TNRC18: variants seen among roughly 807,000 people sequenced by gnomAD.
TNRC18 encodes the protein trinucleotide repeat-containing gene 18 protein.
Under a neutral mutation model 226.7 loss-of-function variants are expected in TNRC18, and 69 were observed. The observed-to-expected ratio is 0.30, with a 90% CI of 0.25 to 0.37. The LOEUF (loss-of-function observed/expected upper bound fraction) is 0.37, where lower values mean the gene tolerates loss of function less well. Among genes scored for constraint, TNRC18 ranks in the 10% least tolerant of loss-of-function variants. The pLI is 1.00. For synonymous variants in TNRC18, 2,449 were observed against 1,927.6 expected (o/e 1.27, Z -7.09); for missense variants, 4,754 against 4,256.6 (o/e 1.12, Z -3.25).
chr7:5,371,073 G>C lies in TNRC18; in HGVS notation c.3521C>G (p.Pro1174Arg). 6.2e-7 allele frequency: 1 copy of C among 1,611,598 alleles called. No individual in the cohort carries two copies. Among genetic ancestry groups the C allele is most frequent in the Non-Finnish European group, 8.5e-7 (1 of 1,179,662 alleles). Residue 1174 changes from proline to arginine, a missense_variant, in exon 11 of 30, where the codon CCT (proline) becomes CGT (arginine). Coordinates refer to ENST00000430969, the MANE Select transcript of TNRC18 (RefSeq NM_001080495.3). ...DMDEGPTELP[P>R]LESPLPLPAA... ...GGGCAGTGGCAGCGGCGACTCCAGAGGCGGCAGCTCTGTGGGGCCCTCGTC... is the reference window on the plus strand; with the variant it reads ...GGGCAGTGGCAGCGGCGACTCCAGACGCGGCAGCTCTGTGGGGCCCTCGTC...
chr7:5,372,412 G>A lies in TNRC18; in HGVS notation c.3230-1048C>T, dbSNP rs978203523. On this transcript the variant is annotated intron_variant, in intron 10 of 29. Transcript: ENST00000430969. The stretch of plus-strand genomic sequence containing the variant: ...AATTTTTTATATTTTTAGTAGAGAC[G>A]GGGATTCACCATGTTGGTCAGGCCA... Among the ~76,000 whole-genome samples the A allele has an allele frequency of 4.7e-5, 7 of 150,148 alleles. No homozygotes were observed. The South Asian group carries it at 6.3e-4, about 14-fold the overall frequency.
chr7:5,345,399 G>A (rs556720818), intron 18 of TNRC18, among the ~76,000 whole-genome samples, 163 bp downstream of exon 18: 25 of 152,288 alleles, frequency 1.6e-4, no homozygotes, highest in Admixed American at 4.6e-4. Flanking sequence ...CCCCTGTCGC[G>A]AGCATCCCTG....
chr7:5,308,058 G>T lies in TNRC18; in HGVS notation c.*48C>A. ...CGCGCCATGGCAGTGATGGAGATGG[G>T]TCCCTGGCCGCCCTCGGGGCACAGG... On this transcript the variant is annotated 3_prime_UTR_variant, in exon 30 of 30. Coordinates refer to ENST00000430969, the MANE Select transcript of TNRC18 (RefSeq NM_001080495.3). 6.6e-7 allele frequency: 1 copy of T among 1,512,356 alleles called. No individual in the cohort carries two copies. Among genetic ancestry groups the T allele is most frequent in the Non-Finnish European group, 8.9e-7 (1 of 1,118,260 alleles). The allele number at this position is 1,512,356 out of a possible 1,614,324, so 93.7% of individuals were successfully genotyped here. A position where few individuals can be genotyped will look rare whatever the true frequency, so the allele number is the denominator to read the frequency against.
rs374504346 is a variant in TNRC18, at chr7:5,353,076, G to A, written c.5195-982C>T. On this transcript the variant is annotated intron_variant, in intron 16 of 29. Transcript: ENST00000430969. ...CAAGACCCCAACCTCAGGATGGTCCGGCAACTCTTGGGTGGGACAAGGGTC... is the reference window on the plus strand; with the variant it reads ...CAAGACCCCAACCTCAGGATGGTCCAGCAACTCTTGGGTGGGACAAGGGTC... Among the ~76,000 whole-genome samples the A allele has an allele frequency of 5.9e-5, 9 of 152,198 alleles. No individual in the cohort carries two copies. In the South Asian group the frequency reaches 6.2e-4, roughly 11 times the overall value.
Position 5,390,466 on chromosome 7 carries a change from C to A in TNRC18, c.487+19G>T, listed in dbSNP as rs1236833811. 6.2e-7 allele frequency: 1 copy of A among 1,613,264 alleles called. No homozygotes were observed. Among genetic ancestry groups the A allele is most frequent in the Non-Finnish European group, 8.5e-7 (1 of 1,179,770 alleles). The stretch of plus-strand genomic sequence containing the variant: ...CAGAAGGCCCCTGTGCCACCCCCAA[C>A]CCCGGACTCCAGTCTTACCTCCTCC... On this transcript the variant is annotated intron_variant, in intron 4 of 29. Transcript: ENST00000430969.
chr7:5,318,044 G>A (rs1368624177), intron 24 of TNRC18, among the ~76,000 whole-genome samples: 1 of 152,052 alleles, frequency 6.6e-6, no homozygotes, highest in Non-Finnish European at 1.5e-5. Context: ...GCTTATTTTT[G>A]TATTTTTAAT....
chr7:5,352,630 A>T (rs541925346), intron 16 of TNRC18, among the ~76,000 whole-genome samples: 185 of 152,354 alleles, frequency 1.2e-3, no homozygotes, highest in Non-Finnish European at 1.8e-3. Flanking sequence ...AAACGCTGTT[A>T]CCGCTAGCAG....
intron 19 of TNRC18, among the ~76,000 whole-genome samples, chr7:5,330,277 T>C (rs963930357): frequency 6.6e-6 from 1 of 152,144 alleles, no homozygotes; most frequent in Admixed American, 6.6e-5. Context: ...TTGCCTAGGC[T>C]GGAGTGAGGC....
intron 5 of TNRC18, among the ~76,000 whole-genome samples, chr7:5,380,638 A>G (rs904588818): frequency 5.9e-5 from 9 of 152,166 alleles, no homozygotes; most frequent in Non-Finnish European, 1.2e-4. Context: ...TCCAACATCA[A>G]CGTAGCTCCT....
At chr7:5,410,525 C>G (rs926047098) in intron 2 of TNRC18, among the ~76,000 whole-genome samples, 2 of 151,794 alleles carry the variant, frequency 1.3e-5, no homozygotes, top group Non-Finnish European at 2.9e-5. Flanking sequence ...AAAAAGACCC[C>G]ATAACAAAAC....
rs139433757 is a variant in TNRC18, at chr7:5,373,268, G to T, written c.3229+787C>A. 2.8e-3 allele frequency among the ~76,000 whole-genome samples: 422 copies of T among 152,320 alleles called. 4 individuals are homozygous for T. The highest frequency in any genetic ancestry group is 9.6e-3 in the African/African-American group (401 of 41,572). ...GAGTCCAGGTGTTCAAGGCTGCAGT[G>T]AGCTGTGATTGTACCACTGCAGTAC... On this transcript the variant is annotated intron_variant, in intron 10 of 29. Coordinates refer to ENST00000430969, the MANE Select transcript of TNRC18 (RefSeq NM_001080495.3).
At chr7:5,420,915 C>A (rs1052265573) in intron 2 of TNRC18, 145 bp downstream of exon 2, 7 of 1,047,944 alleles carry the variant, frequency 6.7e-6, no homozygotes, top group Admixed American at 4.0e-5. Flanking sequence ...AGGAGTTTCC[C>A]AGCCCTGGGA....
In TNRC18 at chr7:5,418,417, TCCACA is replaced by T. The variant is rs1327895599; in HGVS notation, c.187+2638_187+2642del. Among the ~76,000 whole-genome samples, 3 of 152,302 alleles carry T rather than the reference TCCACA, an allele frequency of 2.0e-5. No individual in the cohort carries two copies. In the East Asian group the frequency reaches 5.8e-4, roughly 29 times the overall value. ...AGAAACCAGCTCTTCCAGAGGACCT[TCCACA>T]GCAGATGGCTGTCAATACTAGCTTG... On this transcript the variant is annotated intron_variant, in intron 2 of 29. Transcript: ENST00000430969.
intron 27 of TNRC18, among the ~76,000 whole-genome samples, chr7:5,310,933 C>CGTGTGTGTGCACGTGTTCGT (rs201187881): frequency 6.6e-6 from 1 of 151,996 alleles, no homozygotes; most frequent in African/African-American, 2.4e-5. Flanking sequence ...TGCACGTGTT[C>CGTGTGTGTGCACGTGTTCGT]GTGTGTGCAC....
chr7:5,390,405 G>C lies in TNRC18; in HGVS notation c.487+80C>G, dbSNP rs755560424. On this transcript the variant is annotated intron_variant, in intron 4 of 29. Transcript: ENST00000430969. ...GCCAGCATCCTGGACAGAGCTGGGG[G>C]CTACCTGGATGCTGCCAAAGGCCCC... The C allele has an allele frequency of 3.9e-5, 56 of 1,453,214 alleles. No individual in the cohort carries two copies. In the South Asian group the frequency reaches 5.5e-4, roughly 14 times the overall value. 90.0% of individuals were successfully genotyped at this position (1,453,214 alleles called of 1,614,324 possible). A position where few individuals can be genotyped will look rare whatever the true frequency, so the allele number is the denominator to read the frequency against.
chr7:5,310,356 A>C (rs894580787), intron 27 of TNRC18, among the ~76,000 whole-genome samples: 2 of 151,952 alleles, frequency 1.3e-5, no homozygotes, highest in Non-Finnish European at 2.9e-5. Flanking sequence ...CAGCCTCCCA[A>C]GTAGATGGGA....
chr7:5,421,781 G>A (rs1782601759), intron 1 of TNRC18, among the ~76,000 whole-genome samples: 1 of 152,192 alleles, frequency 6.6e-6, no homozygotes, highest in South Asian at 2.1e-4. Context: ...GGGTCCTCCC[G>A]AAACCGGGGA....
rs6962801 is a variant in TNRC18 at position 5,368,958 on chromosome 7, C to G, written c.4219+1417G>C. 5.1e-3 allele frequency among the ~76,000 whole-genome samples: 777 copies of G among 152,256 alleles called. 7 individuals are homozygous for G. Among genetic ancestry groups the G allele is most frequent in the African/African-American group, 0.018 (737 of 41,546 alleles). ...CATTCTCTTTGAGAACTACCCTCCC[C>G]CTTCCCTACACCCCAGAGGCAACAC... is the stretch of plus-strand genomic sequence containing the variant. On this transcript the variant is annotated intron_variant, in intron 11 of 29. Coordinates refer to ENST00000430969, the MANE Select transcript of TNRC18 (RefSeq NM_001080495.3).
At chr7:5,387,474 A>C (rs1357410132) in intron 5 of TNRC18, among the ~76,000 whole-genome samples, 198 bp downstream of exon 5, 1 of 152,270 alleles carries the variant, frequency 6.6e-6, no homozygotes, top group Non-Finnish European at 1.5e-5. Flanking sequence ...CGGAGAAGGA[A>C]CAAACGAAAA....
Sources: gnomAD v4.1 joint callset for allele counts (sites outside exome capture counted in the v4.1 genomes callset) on GRCh38, gnomAD v4.1.1 for gene constraint, MANE v1.5 for transcripts, NCBI Gene and HGNC (gene_info 2026-07-23, HGNC 2026-07-21) for gene names.